RCC1L: variants seen among roughly 807,000 people sequenced by gnomAD.
RCC1L encodes RCC1-like G exchanging factor-like protein.
RCC1L carries 46 observed loss-of-function variants against 58.6 expected under a neutral mutation model. That is an observed-to-expected ratio of 0.79 (90% confidence interval 0.62 to 1.00). The LOEUF is 1.00. RCC1L is among the 50% of genes least tolerant of loss of function. The pLI is 0.00. For missense variants in RCC1L, 636 were observed against 623.6 expected (o/e 1.02, Z -0.21); for synonymous variants, 281 against 262.9 (o/e 1.07, Z -0.67).
intron 2 of RCC1L, among the ~76,000 whole-genome samples, chr7:75,070,098 C>T (rs2132013273): frequency 6.6e-6 from 1 of 152,250 alleles, no homozygotes; most frequent in South Asian, 2.1e-4. Flanking sequence ...CTCTTTTAGG[C>T]CACAAAAGAA....
At chr7:75,066,520 T>TGTCCTGAGCA in intron 3 of RCC1L, 144 bp downstream of exon 3, 1 of 1,001,864 alleles carries the variant, frequency 1.0e-6, no homozygotes, top group Non-Finnish European at 1.4e-6. Flanking sequence ...TCTTGAGCAA[T>TGTCCTGAGCA]CCCACTGATC....
chr7:75,064,748 T>C, intron 3 of RCC1L, 100 bp from the exon 4 acceptor site: 1 of 1,317,286 alleles, frequency 7.6e-7, no homozygotes. Flanking sequence ...TCCTGGTTAC[T>C]CACCCCCACC....
chr7:75,034,078 T>C (rs1469749545), intron 10 of RCC1L, among the ~76,000 whole-genome samples: 1 of 152,188 alleles, frequency 6.6e-6, no homozygotes, highest in Non-Finnish European at 1.5e-5. Context: ...TGGTGACAGC[T>C]GCACAACACA....
At chr7:75,064,126 T>C (rs1464636104) in intron 4 of RCC1L, among the ~76,000 whole-genome samples, 5 of 151,970 alleles carry the variant, frequency 3.3e-5, no homozygotes, top group Non-Finnish European at 5.9e-5. Context: ...GGTCAAGAGA[T>C]GGAAACCATT....
intron 10 of RCC1L, among the ~76,000 whole-genome samples, chr7:75,051,579 A>G (rs2131986822): frequency 6.6e-6 from 1 of 151,988 alleles, no homozygotes; most frequent in East Asian, 1.9e-4. Context: ...TGCCTGGCTA[A>G]TTTTTGTATT....
At chr7:75,068,559 G>A (rs1268385750) in intron 2 of RCC1L, among the ~76,000 whole-genome samples, 4 of 151,608 alleles carry the variant, frequency 2.6e-5, no homozygotes, top group East Asian at 4.0e-4. Context: ...GATGGCGGGC[G>A]CCTGTAGTAC....
intron 2 of RCC1L, among the ~76,000 whole-genome samples, chr7:75,069,011 GGC>G (rs1218568874): frequency 6.6e-6 from 1 of 151,814 alleles, no homozygotes; most frequent in African/African-American, 2.4e-5. Flanking sequence ...TGGGATTACA[GGC>G]GCGCGCCTCC....
chr7:75,070,656 C>T lies in RCC1L; in HGVS notation c.438G>A (p.Arg146=). ...GATGCTCACTTTTATCTTTCCGGCTCCTGTGAAATCCAAGCTGAGAATCTT... is the reference window on the plus strand; with the variant it reads ...GATGCTCACTTTTATCTTTCCGGCTTCTGTGAAATCCAAGCTGAGAATCTT... ...LNKDSQLGFH[R]SRKDKTRGYE... is the part of the protein sequence containing the mutation. The change falls in exon 2 of 11, where the codon AGG becomes AGA. Residue 146 remains arginine (R), a synonymous_variant. Coordinates refer to ENST00000610322, the MANE Select transcript of RCC1L (RefSeq NM_030798.5). The T allele has an allele frequency of 6.2e-7, 1 of 1,614,012 alleles. No individual in the cohort carries two copies.
chr7:75,056,621 C>CA, intron 8 of RCC1L: 1 of 1,535,140 alleles, frequency 6.5e-7, no homozygotes, highest in Non-Finnish European at 8.7e-7. Context: ...CTGGAGAAGG[C>CA]AGAGCTGGAG....
intron 10 of RCC1L, 98 bp from the exon 11 acceptor site, chr7:75,043,207 ACTCAGTAGGAGACAGCTTGT>A (rs1209903150): frequency 2.7e-5 from 36 of 1,339,712 alleles, no homozygotes; most frequent in Middle Eastern, 2.4e-4. Flanking sequence ...TCAGTAGGAG[ACTCAGTAGGAGACAGCTTGT>A]CTCAGCAGGA....
rs782161920 is a variant in RCC1L at position 75,064,614 on chromosome 7, A to G, written c.618T>C (p.Cys206=). The change falls in exon 4 of 11, where the codon TGT becomes TGC. Residue 206 remains cysteine, a synonymous_variant. Coordinates refer to ENST00000610322, the MANE Select transcript of RCC1L (RefSeq NM_030798.5). ...TTTCATTTTCGACCACCTTTCTTCC[A>G]CATTGCCCATAAGAATTGTTTCCCA... ...FSMGNNSYGQ[C]GRKVVENEIY... 226 of 1,613,810 alleles carry G rather than the reference A, an allele frequency of 1.4e-4. 1 individual carries two copies. In the African/African-American group the frequency reaches 2.7e-3, roughly 20 times the overall value.
intron 7 of RCC1L, chr7:75,058,295 G>A (rs1230740358): frequency 2.6e-6 from 1 of 383,308 alleles, no homozygotes; most frequent in Non-Finnish European, 5.0e-6. Context: ...GGAATGTGGT[G>A]GCACGATCTC....
chr7:75,073,763 C>G lies in RCC1L; in HGVS notation c.-26G>C. On this transcript the variant is annotated 5_prime_UTR_variant, in exon 1 of 11. Coordinates refer to ENST00000610322, the MANE Select transcript of RCC1L (RefSeq NM_030798.5). ...CCTCCGTTCCGCGCCTCAGCAGCCT[C>G]TGGGCGCCGCCATCTTGCGTGACCC... 6.7e-7 allele frequency: 1 copy of G among 1,494,188 alleles called. No homozygotes were observed. Among genetic ancestry groups the G allele is most frequent in the Non-Finnish European group, 8.9e-7 (1 of 1,129,780 alleles). 92.6% of individuals were successfully genotyped at this position (1,494,188 alleles called of 1,614,324 possible).
intron 4 of RCC1L, 69 bp downstream of exon 4, chr7:75,064,513 A>C: frequency 6.3e-7 from 1 of 1,582,812 alleles, no homozygotes; most frequent in Non-Finnish European, 8.7e-7. Flanking sequence ...GGTTTACCAC[A>C]GTCATCTCCC....
At chr7:75,047,848 T>G (rs1215799875) in intron 10 of RCC1L, among the ~76,000 whole-genome samples, 1 of 149,054 alleles carries the variant, frequency 6.7e-6, no homozygotes, top group African/African-American at 2.5e-5. Context: ...GGTTTCGCCA[T>G]GTTGGTCAGG....
At chr7:75,038,788 C>T (rs1011728449), downstream of RCC1L, among the ~76,000 whole-genome samples, 5 of 152,228 alleles carry the variant, frequency 3.3e-5, no homozygotes, top group East Asian at 9.7e-4. Flanking sequence ...GGCTGCGTGG[C>T]AAGGGAGGGT....
downstream of RCC1L, among the ~76,000 whole-genome samples, chr7:75,040,592 A>G (rs1309737059): frequency 5.3e-5 from 8 of 152,142 alleles, no homozygotes; most frequent in African/African-American, 1.9e-4. Context: ...AACCCCGCCC[A>G]GTGTGACCCG....
chr7:75,033,907 C>A (rs2131968598), intron 10 of RCC1L, among the ~76,000 whole-genome samples: 1 of 152,036 alleles, frequency 6.6e-6, no homozygotes, highest in East Asian at 1.9e-4. Flanking sequence ...AAGCAAAGGC[C>A]ACAAAAGGAA....
chr7:75,044,348 C>A lies in RCC1L; in HGVS notation c.1318-1239G>T, dbSNP rs948812081. 5.3e-5 allele frequency among the ~76,000 whole-genome samples: 8 copies of A among 152,264 alleles called. No individual in the cohort carries two copies. In the South Asian group the frequency reaches 1.7e-3, roughly 32 times the overall value. ...GGGCGCAGTGGCTCACACCTGTAAT[C>A]CCAGCACTTTGGGAGGCTGAGGTGG... On this transcript the variant is annotated intron_variant, in intron 10 of 10. Coordinates refer to ENST00000610322, the MANE Select transcript of RCC1L (RefSeq NM_030798.5).
Sources: gnomAD v4.1 joint callset for allele counts (sites outside exome capture counted in the v4.1 genomes callset) on GRCh38, gnomAD v4.1.1 for gene constraint, MANE v1.5 for transcripts, NCBI Gene and HGNC (gene_info 2026-07-23, HGNC 2026-07-21) for gene names.